Variants in DAB1 observed in about 807,000 individuals in gnomAD.
DAB1 encodes DAB adaptor protein 1, also known as disabled homolog 1.
In DAB1, 15 loss-of-function variants were observed where a neutral mutation model predicts 64.6. That is an observed-to-expected ratio of 0.23 (90% CI 0.16 to 0.36). The LOEUF is 0.36. Among genes scored for constraint, DAB1 ranks in the 10% least tolerant of loss-of-function variants. The pLI, the probability that DAB1 is intolerant of heterozygous loss-of-function variation, is 1.00. For missense variants in DAB1, 596 were observed against 706.7 expected (o/e 0.84, Z 1.78); for synonymous variants, 235 against 251.9 (o/e 0.93, Z 0.64).
intron 7 of DAB1, among the ~76,000 whole-genome samples, chr1:57,539,866 T>C (rs1164467852): frequency 3.9e-5 from 6 of 152,194 alleles, no homozygotes; most frequent in Non-Finnish European, 8.8e-5. Flanking sequence ...CCAGAGCTTA[T>C]AGTGATGGGG....
At chr1:57,399,619 AATCTTAT>A (rs1409137847) in intron 1 of DAB1, among the ~76,000 whole-genome samples, 5 of 152,180 alleles carry the variant, frequency 3.3e-5, no homozygotes, top group Non-Finnish European at 7.3e-5. Context: ...TAAAAACCAG[AATCTTAT>A]CTATATATCT....
chr1:58,069,934 A>G (rs1272153314), intron 5 of DAB1, among the ~76,000 whole-genome samples: 2 of 152,202 alleles, frequency 1.3e-5, no homozygotes, highest in Non-Finnish European at 2.9e-5. Flanking sequence ...GGAGACATAG[A>G]AAGCTGCTGC....
At position 58,469,441 on chromosome 1, in the gene DAB1, C is replaced by T. The variant is rs142113021; in HGVS notation, n.257+36619G>A. 8.6e-5 allele frequency among the ~76,000 whole-genome samples: 13 copies of T among 152,016 alleles called. No homozygotes were observed. In the East Asian group the frequency reaches 2.5e-3, roughly 29 times the overall value. On this transcript the variant is annotated intron_variant and non_coding_transcript_variant, in intron 3 of 20. Coordinates refer to the DAB1 transcript ENST00000485760. The stretch of plus-strand genomic sequence containing the variant: ...TAGTTCCTTCCCTATCCCACTATGA[C>T]ATTATTAGGGGAAAAGAAATCTTTT...
At chr1:58,079,265 C>T (rs1042045216) in intron 5 of DAB1, among the ~76,000 whole-genome samples, 2 of 152,146 alleles carry the variant, frequency 1.3e-5, no homozygotes, top group African/African-American at 4.8e-5. Context: ...GGGAACCCCT[C>T]CCAGACCATC....
intron 5 of DAB1, among the ~76,000 whole-genome samples, chr1:58,060,562 G>A (rs187974737): frequency 0.031 from 4,704 of 152,292 alleles, 149 homozygotes; most frequent in East Asian, 0.12. Flanking sequence ...AGAAACCGCA[G>A]ATGCCCAGGA....
At chr1:57,599,448 C>T (rs199714066) in intron 7 of DAB1, among the ~76,000 whole-genome samples, 3 of 151,548 alleles carry the variant, frequency 2.0e-5, no homozygotes, top group South Asian at 2.1e-4. Flanking sequence ...TGGAAATAGC[C>T]GTTATAATGC....
intron 6 of DAB1, among the ~76,000 whole-genome samples, chr1:57,672,041 T>C (rs1646516084): frequency 6.6e-6 from 1 of 152,138 alleles, no homozygotes; most frequent in South Asian, 2.1e-4. Context: ...ACATTCATTA[T>C]CTTAATTATC....
Position 57,641,461 on chromosome 1 carries a change from G to A in DAB1, n.625+8131C>T, listed in dbSNP as rs531515120. On this transcript the variant is annotated intron_variant and non_coding_transcript_variant, in intron 7 of 20. Transcript: ENST00000485760. ...TGCAGTGGTATAATCTCCGCTCACT[G>A]CAAGCTCCGCTGCTGGGGTTTACGC... Among the ~76,000 whole-genome samples the A allele has an allele frequency of 2.1e-4, 28 of 132,402 alleles. 1 individual carries two copies. The Admixed American group carries it at 2.4e-3, about 12-fold the overall frequency. 86.9% of individuals were successfully genotyped at this position (132,402 alleles called of 152,430 possible). A position where few individuals can be genotyped will look rare whatever the true frequency, so the allele number is the denominator to read the frequency against.
chr1:58,399,293 G>A (rs1019997134), intron 3 of DAB1, among the ~76,000 whole-genome samples: 1 of 152,170 alleles, frequency 6.6e-6, no homozygotes, highest in Non-Finnish European at 1.5e-5. Context: ...ACACAGATTA[G>A]GCTTGTTTTG....
rs188272346 is a variant in DAB1, at chr1:57,165,135, A to C, written c.68-19706T>G. ...TCATCCCCAGACCTCAAATTGCCGCATTTTGTAGTTCATTCCCCAACATGG... is the reference window on the plus strand; with the variant it reads ...TCATCCCCAGACCTCAAATTGCCGCCTTTTGTAGTTCATTCCCCAACATGG... On this transcript the variant is annotated intron_variant, in intron 2 of 14. Transcript: ENST00000371236. 1.5e-4 allele frequency among the ~76,000 whole-genome samples: 23 copies of C among 152,244 alleles called. No individual in the cohort carries two copies. The South Asian group carries it at 2.3e-3, about 15-fold the overall frequency.
chr1:57,717,314 G>A (rs1405737593), intron 6 of DAB1, among the ~76,000 whole-genome samples: 1 of 150,520 alleles, frequency 6.6e-6, no homozygotes, highest in Non-Finnish European at 1.5e-5. Context: ...ACAGATACAT[G>A]AAAAAAATGA....
At chr1:57,963,504 T>G (rs1291980962) in intron 5 of DAB1, among the ~76,000 whole-genome samples, 1 of 152,196 alleles carries the variant, frequency 6.6e-6, no homozygotes, top group Non-Finnish European at 1.5e-5. Flanking sequence ...TGAAAGCTGG[T>G]GAAGAATCTT....
At chr1:57,502,388 T>G (rs766955704) in intron 7 of DAB1, among the ~76,000 whole-genome samples, 1 of 151,608 alleles carries the variant, frequency 6.6e-6, no homozygotes, top group Non-Finnish European at 1.5e-5. Context: ...TGTGGAAAAT[T>G]TAATCTTGGC....
chr1:58,126,076 A>T (rs994243227), intron 5 of DAB1, among the ~76,000 whole-genome samples: 1 of 152,156 alleles, frequency 6.6e-6, no homozygotes, highest in African/African-American at 2.4e-5. Context: ...TTCTGTCTCT[A>T]TGAAAAAGAG....
At chr1:57,149,374 T>C (rs1188624777) in intron 2 of DAB1, among the ~76,000 whole-genome samples, 1 of 152,222 alleles carries the variant, frequency 6.6e-6, no homozygotes. Flanking sequence ...ATATGGTAAC[T>C]CTATATTTAA....
At chr1:58,085,931 T>C (rs1313230512) in intron 5 of DAB1, among the ~76,000 whole-genome samples, 3 of 150,036 alleles carry the variant, frequency 2.0e-5, no homozygotes. Flanking sequence ...TTAGCAAAAC[T>C]GGGATGCTGT....
At chr1:57,165,154 A>C (rs155287) in intron 2 of DAB1, among the ~76,000 whole-genome samples, 81,637 of 152,066 alleles carry the variant, frequency 0.54, 23,398 homozygotes, top group African/African-American at 0.74. Context: ...TTCATTCCCC[A>C]ACATGGCTTA....
At chr1:57,422,205 C>A (rs1684967532) in intron 1 of DAB1, among the ~76,000 whole-genome samples, 1 of 152,166 alleles carries the variant, frequency 6.6e-6, no homozygotes, top group Admixed American at 6.5e-5. Flanking sequence ...TGTAGTGGAA[C>A]CCCCACACAG....
intron 6 of DAB1, among the ~76,000 whole-genome samples, chr1:57,703,993 A>G (rs1047267052): frequency 6.6e-6 from 1 of 152,178 alleles, no homozygotes; most frequent in African/African-American, 2.4e-5. Context: ...TGATGAGAAC[A>G]CATGGACACA....
Sources: allele counts gnomAD v4.1 joint callset (sites outside exome capture counted in the v4.1 genomes callset), GRCh38; gene constraint gnomAD v4.1.1; transcripts MANE v1.5; gene names NCBI Gene and HGNC (gene_info 2026-07-23, HGNC 2026-07-21).